BEAN1: variants seen among roughly 807,000 people sequenced by gnomAD.
BEAN1 encodes brain expressed associated with NEDD4 1, also known as protein BEAN1.
A neutral mutation model predicts 17.7 loss-of-function variants in BEAN1; 17 were observed. The observed-to-expected ratio is 0.96, with a 90% CI of 0.66 to 1.44. The LOEUF (loss-of-function observed/expected upper bound fraction) is 1.44, where lower values mean the gene tolerates loss of function less well. Among genes scored for constraint, BEAN1 ranks in the 40% most tolerant of loss-of-function variants. The probability of loss-of-function intolerance (pLI) is 0.00; values close to 1 mark genes in which losing one functional copy is unlikely to be tolerated. For synonymous variants in BEAN1, 142 were observed against 151.8 expected, an observed-to-expected ratio of 0.94 and a Z score of 0.47; for missense variants, 359 against 374.1, an observed-to-expected ratio of 0.96 and a Z score of 0.33.
At chr16:66,431,953 C>T (rs765247539) in intron 1 of BEAN1, among the ~76,000 whole-genome samples, 42 of 152,052 alleles carry the variant, frequency 2.8e-4, no homozygotes, top group Non-Finnish European at 4.9e-4. Context: ...ATCACAGGCT[C>T]GCACCACCAT....
intron 3 of BEAN1, among the ~76,000 whole-genome samples, chr16:66,470,774 C>T (rs1963454805): frequency 6.6e-6 from 1 of 152,178 alleles, no homozygotes; most frequent in African/African-American, 2.4e-5. Flanking sequence ...CTGTGTCACT[C>T]CTGGAAGGGG....
At chr16:66,462,318 A>G (rs941171275) in intron 2 of BEAN1, among the ~76,000 whole-genome samples, 1 of 152,232 alleles carries the variant, frequency 6.6e-6, no homozygotes, top group African/African-American at 2.4e-5. Flanking sequence ...AGAGGTTGGC[A>G]CTTCATCCAA....
chr16:66,472,886 A>T (rs144391534), intron 3 of BEAN1, among the ~76,000 whole-genome samples: 1 of 151,124 alleles, frequency 6.6e-6, no homozygotes, highest in Non-Finnish European at 1.5e-5. Flanking sequence ...TCCAGGTGTG[A>T]TGGCACATGC....
chr16:66,446,810 A>G (rs959584799), intron 2 of BEAN1, among the ~76,000 whole-genome samples: 5 of 152,206 alleles, frequency 3.3e-5, no homozygotes, highest in African/African-American at 1.2e-4. Context: ...TCCTACTAAC[A>G]GGAATGAGTA....
rs1414068889 is a variant in BEAN1, at chr16:66,481,105, G to A, written c.*180G>A. ...CCCATGTACACACACAGATCTAGAC[G>A]TGCTCCACATATGTGTGAATATGCG... On this transcript the variant is annotated 3_prime_UTR_variant, in exon 5 of 5. Coordinates refer to ENST00000536005, the MANE Select transcript of BEAN1 (RefSeq NM_001178020.3). This position sits in a 1 kb window ranked among gnomAD's most constrained non-coding sequence, Gnocchi z 4.1. 8 of 534,852 alleles carry A rather than the reference G, an allele frequency of 1.5e-5. No individual in the cohort carries two copies. Among genetic ancestry groups the A allele is most frequent in the African/African-American group, 1.9e-5 (1 of 51,994 alleles). 33.1% of individuals were successfully genotyped at this position (534,852 alleles called of 1,614,324 possible). A position where few individuals can be genotyped will look rare whatever the true frequency, so the allele number is the denominator to read the frequency against.
intron 1 of BEAN1, among the ~76,000 whole-genome samples, chr16:66,432,099 T>A (rs1961830907): frequency 6.6e-6 from 1 of 152,218 alleles, no homozygotes; most frequent in Non-Finnish European, 1.5e-5. Context: ...GTTTGAAGGC[T>A]GCCAAACACC....
intron 3 of BEAN1, among the ~76,000 whole-genome samples, chr16:66,470,496 G>A (rs1429688730): frequency 6.6e-6 from 1 of 152,110 alleles, no homozygotes; most frequent in Non-Finnish European, 1.5e-5. Context: ...TTGAGTGGAG[G>A]AATGGAAAGA....
intron 3 of BEAN1, among the ~76,000 whole-genome samples, chr16:66,475,400 C>T (rs1963696733): frequency 1.3e-5 from 2 of 152,224 alleles, no homozygotes; most frequent in South Asian, 4.1e-4. Flanking sequence ...CAGCCCTCAG[C>T]GCTGCCCACC....
chr16:66,464,330 A>G (rs899909646), intron 2 of BEAN1, among the ~76,000 whole-genome samples: 1 of 152,014 alleles, frequency 6.6e-6, no homozygotes, highest in African/African-American at 2.4e-5. Flanking sequence ...TTTTCAGAAT[A>G]TAAGTTTTGT....
At chr16:66,453,629 T>TG in intron 2 of BEAN1, among the ~76,000 whole-genome samples, 1 of 152,360 alleles carries the variant, frequency 6.6e-6, no homozygotes. Flanking sequence ...CCCAAAGTGT[T>TG]GGGATTACAG....
rs1404898740 is a variant in BEAN1 at position 66,437,759 on chromosome 16, A to G, written c.25+58A>G. ...GGGGCCAGGCAAGGGCAGAGCTTGG[A>G]GTCGAGCTGCAGAGAACGGCTTGAG... is the stretch of plus-strand genomic sequence containing the variant. On this transcript the variant is annotated intron_variant, in intron 2 of 4. Coordinates refer to ENST00000536005, the MANE Select transcript of BEAN1 (RefSeq NM_001178020.3). 5 of 1,499,094 alleles carry G rather than the reference A, an allele frequency of 3.3e-6. No homozygotes were observed. In the Admixed American group the frequency reaches 9.8e-5, roughly 29 times the overall value. The allele number at this position is 1,499,094 out of a possible 1,614,324, so 92.9% of individuals were successfully genotyped here. A position where few individuals can be genotyped will look rare whatever the true frequency, so the allele number is the denominator to read the frequency against.
chr16:66,466,757 C>T lies in BEAN1; in HGVS notation c.26-2845C>T, dbSNP rs561913891. Among the ~76,000 whole-genome samples the T allele has an allele frequency of 4.6e-5, 7 of 152,076 alleles. No homozygotes were observed. In the East Asian group the frequency reaches 5.8e-4, roughly 13 times the overall value. On this transcript the variant is annotated intron_variant, in intron 2 of 4. Coordinates refer to ENST00000536005, the MANE Select transcript of BEAN1 (RefSeq NM_001178020.3). ...AATTTTTTTGTATTTTTAGTAGAGA[C>T]GGAATTTCACCATCTTGGTCAGGCG... is the stretch of plus-strand genomic sequence containing the variant.
chr16:66,490,746 G>A (rs1031939997), intron 4 of BEAN1, among the ~76,000 whole-genome samples: 3 of 152,192 alleles, frequency 2.0e-5, no homozygotes, highest in Admixed American at 2.0e-4. Flanking sequence ...ATGCTGATGT[G>A]CCTGGTCTTC....
intron 2 of BEAN1, among the ~76,000 whole-genome samples, chr16:66,458,715 C>T (rs1962968324): frequency 6.6e-6 from 1 of 152,216 alleles, no homozygotes; most frequent in Non-Finnish European, 1.5e-5. Flanking sequence ...CTTTAGCTCA[C>T]CAAGACAAAA....
intron 2 of BEAN1, 137 bp from the exon 3 acceptor site, chr16:66,469,465 G>A: frequency 9.1e-7 from 1 of 1,095,956 alleles, no homozygotes; most frequent in South Asian, 1.6e-5. Context: ...GAGCAGCCAG[G>A]ATAGAGTCCG....
Position 66,481,145 on chromosome 16 carries a change from C to T in BEAN1, c.*220C>T. The T allele has an allele frequency of 2.3e-6, 1 of 433,266 alleles. No individual in the cohort carries two copies. The highest frequency in any genetic ancestry group is 4.0e-6 in the Non-Finnish European group (1 of 249,394). 26.8% of individuals were successfully genotyped at this position (433,266 alleles called of 1,614,324 possible). On this transcript the variant is annotated 3_prime_UTR_variant, in exon 5 of 5. Coordinates refer to ENST00000536005, the MANE Select transcript of BEAN1 (RefSeq NM_001178020.3). This position sits in a 1 kb window ranked among gnomAD's most constrained non-coding sequence, Gnocchi z 4.1. ...GTGAATATGCGCACATACAGGCCTA[C>T]CACAAACACAAAACCCACCTGCAAA...
At chr16:66,468,254 T>A (rs997723980) in intron 2 of BEAN1, among the ~76,000 whole-genome samples, 1 of 152,222 alleles carries the variant, frequency 6.6e-6, no homozygotes, top group Admixed American at 6.5e-5. Flanking sequence ...AGCCCCATTG[T>A]TGAGTTTGAG....
Position 66,460,428 on chromosome 16 carries a change from G to A in BEAN1, c.26-9174G>A, listed in dbSNP as rs117821816. ...TTCTTCCTCAGTAAAATCACCCAAG[G>A]GTCCCTACCTGCAATCTAGAACATC... On this transcript the variant is annotated intron_variant, in intron 2 of 4. Coordinates refer to ENST00000536005, the MANE Select transcript of BEAN1 (RefSeq NM_001178020.3). Among the ~76,000 whole-genome samples, 96 of 152,258 alleles carry A rather than the reference G, an allele frequency of 6.3e-4. 2 individuals carry two copies. In the East Asian group the frequency reaches 0.016, roughly 26 times the overall value.
At chr16:66,462,681 A>G (rs1422048393) in intron 2 of BEAN1, among the ~76,000 whole-genome samples, 1 of 152,136 alleles carries the variant, frequency 6.6e-6, no homozygotes, top group African/African-American at 2.4e-5. Flanking sequence ...CATGCCTATA[A>G]TCCCAGCTAC....
Sources: gnomAD v4.1 joint callset for allele counts (sites outside exome capture counted in the v4.1 genomes callset) on GRCh38, gnomAD v4.1.1 for gene constraint, Gnocchi (gnomAD v3.1) non-coding constraint, MANE v1.5 for transcripts, NCBI Gene and HGNC (gene_info 2026-07-23, HGNC 2026-07-21) for gene names.